ASTN1: variants seen among roughly 807,000 people sequenced by gnomAD.
ASTN1 encodes astrotactin-1.
A neutral mutation model predicts 140.7 loss-of-function variants in ASTN1; 41 were observed. The ratio of observed to expected loss-of-function variants is 0.29; its 90% CI spans 0.23 to 0.38. The LOEUF (loss-of-function observed/expected upper bound fraction) is 0.38, where lower values mean the gene tolerates loss of function less well. Among genes scored for constraint, ASTN1 ranks in the 10% least tolerant of loss-of-function variants. The pLI, the probability that ASTN1 is intolerant of heterozygous loss-of-function variation, is 1.00. For synonymous variants in ASTN1, 640 were observed against 652.2 expected, an observed-to-expected ratio of 0.98 and a Z score of 0.29; for missense variants, 1,479 against 1,678.8, an observed-to-expected ratio of 0.88 and a Z score of 2.08.
intron 1 of ASTN1, among the ~76,000 whole-genome samples, chr1:177,127,716 G>A (rs1681725222): frequency 6.6e-6 from 1 of 152,174 alleles, no homozygotes; most frequent in Non-Finnish European, 1.5e-5. Flanking sequence ...TCTCATTCAG[G>A]AGCCATCTGA....
chr1:176,943,428 T>C (rs958957939), intron 14 of ASTN1, among the ~76,000 whole-genome samples: 22 of 152,160 alleles, frequency 1.4e-4, no homozygotes, highest in African/African-American at 5.1e-4. Flanking sequence ...AGCTAGAAAG[T>C]AGCAGAGATG....
intron 19 of ASTN1, 91 bp downstream of exon 19, chr1:176,884,247 AC>A: frequency 6.9e-7 from 1 of 1,442,502 alleles, no homozygotes; most frequent in Non-Finnish European, 9.5e-7. Flanking sequence ...GATACTGGGG[AC>A]CTGGAGCAAA....
chr1:176,964,573 C>A (rs148908836), intron 9 of ASTN1, among the ~76,000 whole-genome samples: 2 of 152,116 alleles, frequency 1.3e-5, no homozygotes, highest in African/African-American at 2.4e-5. Context: ...CTTTCTAATA[C>A]GTGCTATTCC....
At chr1:177,149,981 T>C (rs1407752507) in intron 1 of ASTN1, among the ~76,000 whole-genome samples, 2 of 151,492 alleles carry the variant, frequency 1.3e-5, no homozygotes, top group Non-Finnish European at 1.5e-5. Flanking sequence ...TTTCTCATTG[T>C]CTTCCAGAAG....
Position 176,868,990 on chromosome 1 carries a change from G to A in ASTN1, c.3501C>T (p.Tyr1167=). Residue 1167 remains tyrosine, a synonymous_variant, in exon 22 of 23, where the codon TAC becomes TAT. Transcript: ENST00000361833. ...ADKIYNLFNG[Y]TSGKEQQTAY... ...CGGTCTGCTGCTCCTTCCCACTAGT[G>A]TAGCCATTGAAGAGATTGTAGATCT... 1 of 1,608,278 alleles carries A rather than the reference G, an allele frequency of 6.2e-7. No homozygotes were observed. The highest frequency in any genetic ancestry group is 8.5e-7 in the Non-Finnish European group (1 of 1,176,650).
At chr1:177,007,838 A>G (rs1016862734) in intron 8 of ASTN1, among the ~76,000 whole-genome samples, 1 of 152,330 alleles carries the variant, frequency 6.6e-6, no homozygotes, top group African/African-American at 2.4e-5. Context: ...TGCAAATTAG[A>G]AAAAAGTACC....
intron 16 of ASTN1, among the ~76,000 whole-genome samples, chr1:176,916,229 G>C (rs866727925): frequency 6.6e-6 from 1 of 152,152 alleles, no homozygotes; most frequent in Non-Finnish European, 1.5e-5. Flanking sequence ...CAGGTTATTT[G>C]TGAGATAAGG....
At chr1:177,038,619 T>C (rs1676837619) in intron 2 of ASTN1, among the ~76,000 whole-genome samples, 1 of 152,208 alleles carries the variant, frequency 6.6e-6, no homozygotes, top group African/African-American at 2.4e-5. Context: ...GCTAATCTTA[T>C]ATAAGTCAGC....
rs540729215 is a variant in ASTN1, at chr1:176,924,785, G to A, written c.2671+9367C>T. 3.3e-5 allele frequency among the ~76,000 whole-genome samples: 5 copies of A among 152,242 alleles called. No homozygotes were observed. The East Asian group carries it at 9.7e-4, about 29-fold the overall frequency. On this transcript the variant is annotated intron_variant, in intron 16 of 22. Transcript: ENST00000361833. The stretch of plus-strand genomic sequence containing the variant: ...ATGGTAGAGACAATATGTTACTATT[G>A]TCAGGCTCATAATTATATGAAAGGA...
chr1:177,131,688 G>A (rs921918980), intron 1 of ASTN1, among the ~76,000 whole-genome samples: 1 of 152,194 alleles, frequency 6.6e-6, no homozygotes, highest in Non-Finnish European at 1.5e-5. Flanking sequence ...TCTGTTTAGT[G>A]TTGTATAACA....
intron 1 of ASTN1, among the ~76,000 whole-genome samples, chr1:177,105,900 G>A (rs1680525669): frequency 6.6e-6 from 1 of 152,202 alleles, no homozygotes; most frequent in South Asian, 2.1e-4. Context: ...GAGGCACAGG[G>A]TGGGAGAATC....
At chr1:176,926,545 C>A (rs1670979186) in intron 16 of ASTN1, among the ~76,000 whole-genome samples, 1 of 152,338 alleles carries the variant, frequency 6.6e-6, no homozygotes, top group African/African-American at 2.4e-5. Flanking sequence ...GGAACAGCTG[C>A]CTTCTCTAAA....
intron 7 of ASTN1, among the ~76,000 whole-genome samples, chr1:177,017,436 T>C (rs2101944672): frequency 1.3e-5 from 2 of 152,346 alleles, no homozygotes; most frequent in Admixed American, 1.3e-4. Context: ...GATTTCAGAC[T>C]TGATGGGGGA....
chr1:177,129,577 T>A lies in ASTN1; in HGVS notation c.283+34817A>T, dbSNP rs80304932. Among the ~76,000 whole-genome samples the A allele has an allele frequency of 1.1e-3, 161 of 152,226 alleles. 3 individuals are homozygous for A. In the East Asian group the frequency reaches 0.027, roughly 25 times the overall value. The stretch of plus-strand genomic sequence containing the variant: ...AAGGAATGGGGAAAATAATAACCAC[T>A]TAAAAAAAGAGAAAAATGCACTTAA... On this transcript the variant is annotated intron_variant, in intron 1 of 22. Transcript: ENST00000361833.
At chr1:176,961,240 C>G (rs1672646329) in intron 9 of ASTN1, among the ~76,000 whole-genome samples, 1 of 152,176 alleles carries the variant, frequency 6.6e-6, no homozygotes, top group Admixed American at 6.5e-5. Context: ...GTAGAGCAGG[C>G]TATAGGTTAA....
intron 1 of ASTN1, among the ~76,000 whole-genome samples, chr1:177,065,461 T>C (rs1678309615): frequency 1.3e-5 from 2 of 152,142 alleles, no homozygotes; most frequent in Admixed American, 1.3e-4. Context: ...TTCAATCTAA[T>C]GGGAAACTTA....
chr1:177,045,621 C>T (rs937129874), intron 2 of ASTN1, among the ~76,000 whole-genome samples: 20 of 152,196 alleles, frequency 1.3e-4, no homozygotes, highest in African/African-American at 3.4e-4. Context: ...CCAGAGGATA[C>T]GGCTATGTTT....
chr1:177,111,106 C>T (rs1680804977), intron 1 of ASTN1, among the ~76,000 whole-genome samples: 1 of 152,148 alleles, frequency 6.6e-6, no homozygotes, highest in Non-Finnish European at 1.5e-5. Flanking sequence ...ACAAGAAGAC[C>T]TGGTAGTTGG....
chr1:176,964,587 G>A (rs532600587), intron 9 of ASTN1, among the ~76,000 whole-genome samples: 20 of 152,118 alleles, frequency 1.3e-4, no homozygotes, highest in Non-Finnish European at 2.6e-4. Flanking sequence ...CTATTCCCAG[G>A]TATGTAGGTA....
Sources: allele counts gnomAD v4.1 joint callset (sites outside exome capture counted in the v4.1 genomes callset), GRCh38; gene constraint gnomAD v4.1.1; transcripts MANE v1.5; gene names NCBI Gene and HGNC (gene_info 2026-07-23, HGNC 2026-07-21).